The following MAP1LC3B variants were observed in gnomAD, a reference collection of about 807,000 sequenced individuals.
MAP1LC3B encodes the protein microtubule-associated protein 1 light chain 3 beta.
In MAP1LC3B, 12 loss-of-function variants were observed where a neutral mutation model predicts 16.7. The observed-to-expected ratio is 0.72, with a 90% CI of 0.46 to 1.16. The LOEUF is 1.16. Among genes scored for constraint, MAP1LC3B ranks in the 50% most tolerant of loss-of-function variants. The pLI is 0.00. For synonymous variants in MAP1LC3B, 63 were observed against 56.5 expected (o/e 1.11, Z -0.51); for missense variants, 155 against 159.5 (o/e 0.97, Z 0.15).
chr16:87,397,658 G>C (rs1030529967), intron 1 of MAP1LC3B, among the ~76,000 whole-genome samples: 1 of 152,066 alleles, frequency 6.6e-6, no homozygotes, highest in African/African-American at 2.4e-5. Context: ...ATCCAAATGA[G>C]ATTGGCAATG....
intron 1 of MAP1LC3B, among the ~76,000 whole-genome samples, chr16:87,397,974 G>A (rs968811637): frequency 6.6e-6 from 1 of 151,206 alleles, no homozygotes; most frequent in African/African-American, 2.4e-5. Context: ...CCACAGTCTA[G>A]TACAGTTGTT....
intron 1 of MAP1LC3B, chr16:87,393,140 T>G (rs910826904): frequency 6.6e-6 from 1 of 152,290 alleles, no homozygotes; most frequent in African/African-American, 2.4e-5. Context: ...GCGATTACGT[T>G]CTCACCTTGG....
At chr16:87,396,486 A>C (rs1198102897) in intron 1 of MAP1LC3B, among the ~76,000 whole-genome samples, 2 of 152,048 alleles carry the variant, frequency 1.3e-5, no homozygotes, top group Non-Finnish European at 2.9e-5. Context: ...AAAAAAAAAA[A>C]AAAATTCTTT....
chr16:87,401,981 C>T (rs530432925), intron 2 of MAP1LC3B, among the ~76,000 whole-genome samples, 194 bp from the exon 3 acceptor site: 18 of 152,184 alleles, frequency 1.2e-4, no homozygotes, highest in Admixed American at 2.6e-4. Context: ...TACAGGCGCC[C>T]GCCACCATGC....
Position 87,394,264 on chromosome 16 carries a change from T to C in MAP1LC3B, c.40+1797T>C, listed in dbSNP as rs79642122. On this transcript the variant is annotated intron_variant, in intron 1 of 3. Transcript: ENST00000268607. ...TTAACAGCTGTTACCTTTCCTTGCT[T>C]CTGATTTTGGTAATTAAAAAAAAAA... Among the ~76,000 whole-genome samples the C allele has an allele frequency of 9.1e-3, 1,114 of 121,826 alleles. 17 individuals are homozygous for C. The highest frequency in any genetic ancestry group is 0.027 in the African/African-American group (1,067 of 39,240). The allele number at this position is 121,826 out of a possible 152,430, so 79.9% of individuals were successfully genotyped here.
chr16:87,401,541 A>T (rs1290116954), intron 2 of MAP1LC3B, among the ~76,000 whole-genome samples: 2 of 152,102 alleles, frequency 1.3e-5, no homozygotes, highest in Non-Finnish European at 1.5e-5. Flanking sequence ...TGACTATTTT[A>T]TTTATTTATT....
At chr16:87,396,877 G>C (rs1907825908) in intron 1 of MAP1LC3B, 1 of 152,192 alleles carries the variant, frequency 6.6e-6, no homozygotes, top group Admixed American at 6.5e-5. Context: ...GCCCAGACTA[G>C]AGTGCAGTGG....
chr16:87,393,687 TTACTG>T (rs1907692315), intron 1 of MAP1LC3B, among the ~76,000 whole-genome samples: 1 of 150,724 alleles, frequency 6.6e-6, no homozygotes, highest in Admixed American at 6.6e-5. Context: ...AATGAACTCT[TTACTG>T]TAGTGTCTAG....
chr16:87,392,593 C>T (rs1296668438), intron 1 of MAP1LC3B, 126 bp downstream of exon 1: 2 of 944,478 alleles, frequency 2.1e-6, no homozygotes, highest in East Asian at 4.8e-5. Flanking sequence ...CGGTGGCTGC[C>T]GGCCGGCGGG....
intron 3 of MAP1LC3B, 145 bp downstream of exon 3, chr16:87,402,426 A>G (rs111707571): frequency 3.9e-6 from 3 of 764,740 alleles, no homozygotes; most frequent in African/African-American, 1.8e-5. Flanking sequence ...GTTATGATTA[A>G]AACAATTTCA....
At chr16:87,392,614 G>GCGGGGCC in intron 1 of MAP1LC3B, 147 bp downstream of exon 1, 1 of 732,848 alleles carries the variant, frequency 1.4e-6, no homozygotes, top group Non-Finnish European at 1.8e-6. Flanking sequence ...GCCGAGGGAT[G>GCGGGGCC]CGGGGCCCGG....
rs925596628 is a variant in MAP1LC3B at position 87,403,777 on chromosome 16, C to T, written c.*680C>T. 1.3e-5 allele frequency: 2 copies of T among 152,180 alleles called. No individual in the cohort carries two copies. The highest frequency in any genetic ancestry group is 4.8e-5 in the African/African-American group (2 of 41,448). 9.4% of individuals were successfully genotyped at this position (152,180 alleles called of 1,614,324 possible). A position where few individuals can be genotyped will look rare whatever the true frequency, so the allele number is the denominator to read the frequency against. On this transcript the variant is annotated 3_prime_UTR_variant, in exon 4 of 4. Transcript: ENST00000268607. ...TAGTTACACACATAAAGACACCACT[C>T]AAAAGGAAACTTGAATAATTTATAA... is the stretch of plus-strand genomic sequence containing the variant.
In MAP1LC3B at chr16:87,402,293, C is replaced by T. The variant is rs1908022171; in HGVS notation, c.203+12C>T. The T allele has an allele frequency of 1.2e-6, 2 of 1,608,762 alleles. No homozygotes were observed. The highest frequency in any genetic ancestry group is 8.5e-7 in the Non-Finnish European group (1 of 1,176,000). On this transcript the variant is annotated intron_variant, in intron 3 of 3. Coordinates refer to ENST00000268607, the MANE Select transcript of MAP1LC3B (RefSeq NM_022818.5). ...ATCAAGATAATTAGGTATTCAGTCA[C>T]CTTTGTTTCATAATATATTTCCTTT...
rs1392302795 is a variant in MAP1LC3B at position 87,404,572 on chromosome 16, G to A, written c.*1475G>A. 3 of 151,802 alleles carry A rather than the reference G, an allele frequency of 2.0e-5. No homozygotes were observed. Among genetic ancestry groups the A allele is most frequent in the Non-Finnish European group, 2.9e-5 (2 of 67,982 alleles). The allele number at this position is 151,802 out of a possible 1,614,324, so 9.4% of individuals were successfully genotyped here. A position where few individuals can be genotyped will look rare whatever the true frequency, so the allele number is the denominator to read the frequency against. ...TGTATATTCTTAACTGGACTGTCTC[G>A]TTTAGACTGTATACATCATATCTGA... On this transcript the variant is annotated 3_prime_UTR_variant, in exon 4 of 4. Coordinates refer to ENST00000268607, the MANE Select transcript of MAP1LC3B (RefSeq NM_022818.5).
In MAP1LC3B at chr16:87,403,764, T is replaced by C. The variant is rs768853879; in HGVS notation, c.*667T>C. On this transcript the variant is annotated 3_prime_UTR_variant, in exon 4 of 4. Transcript: ENST00000268607. ...TTTGTTCTCTAGATAGTTACACACA[T>C]AAAGACACCACTCAAAAGGAAACTT... 5 of 152,192 alleles carry C rather than the reference T, an allele frequency of 3.3e-5. No individual in the cohort carries two copies. Among genetic ancestry groups the C allele is most frequent in the Non-Finnish European group, 7.4e-5 (5 of 68,026 alleles). The allele number at this position is 152,192 out of a possible 1,614,324, so 9.4% of individuals were successfully genotyped here.
rs1266041375 is a variant in MAP1LC3B at position 87,404,515 on chromosome 16, G to T, written c.*1418G>T. The T allele has an allele frequency of 6.6e-6, 1 of 151,926 alleles. No individual in the cohort carries two copies. Among genetic ancestry groups the T allele is most frequent in the East Asian group, 1.9e-4 (1 of 5,192 alleles). The allele number at this position is 151,926 out of a possible 1,614,324, so 9.4% of individuals were successfully genotyped here. ...CACCCCCGCATGCGTCTGTCCACTT[G>T]GCTAACTTTTAATATGTGTATTTTT... is the stretch of plus-strand genomic sequence containing the variant. On this transcript the variant is annotated 3_prime_UTR_variant, in exon 4 of 4. Coordinates refer to ENST00000268607, the MANE Select transcript of MAP1LC3B (RefSeq NM_022818.5).
intron 3 of MAP1LC3B, 104 bp downstream of exon 3, chr16:87,402,385 A>G: frequency 2.8e-6 from 3 of 1,086,888 alleles, no homozygotes; most frequent in South Asian, 3.4e-5. Context: ...TCTTTAAAAA[A>G]TATTTTTCAG....
Position 87,402,205 on chromosome 16 carries a change from C to T in MAP1LC3B, c.127C>T (p.Gln43Ter). The T allele has an allele frequency of 6.2e-7, 1 of 1,614,116 alleles. No homozygotes were observed. The highest frequency in any genetic ancestry group is 8.5e-7 in the Non-Finnish European group (1 of 1,180,004). ...AATAGAACGATACAAGGGTGAGAAG[C>T]AGCTTCCTGTTCTGGATAAAACAAA... ...VIIERYKGEK[Q>*]LPVLDKTKFL... The change falls in exon 3 of 4, where the codon CAG becomes TAG. Residue 43 changes from glutamine (Q) to a stop codon, truncating the protein, a stop_gained. Transcript: ENST00000268607. LOFTEE classifies it high-confidence loss of function.
chr16:87,402,141 A>T (rs755908166), intron 2 of MAP1LC3B, 34 bp from the exon 3 acceptor site: 1 of 1,612,314 alleles, frequency 6.2e-7, no homozygotes, highest in East Asian at 2.2e-5. Context: ...GGCCCTGATG[A>T]CTATTTTAAA....
Sources: gnomAD v4.1 joint callset for allele counts (sites outside exome capture counted in the v4.1 genomes callset) on GRCh38, gnomAD v4.1.1 for gene constraint, MANE v1.5 for transcripts, NCBI Gene and HGNC (gene_info 2026-07-23, HGNC 2026-07-21) for gene names.